The following SLC4A4 variants were observed in gnomAD, a reference collection of about 807,000 sequenced individuals.
The protein encoded by SLC4A4 is electrogenic sodium bicarbonate cotransporter 1.
In SLC4A4, 27 loss-of-function variants were observed where a neutral mutation model predicts 111.5. The ratio of observed to expected loss-of-function variants is 0.24; its 90% CI spans 0.18 to 0.33. The LOEUF is 0.33. Among genes scored for constraint, SLC4A4 ranks in the 10% least tolerant of loss-of-function variants. The pLI, the probability that SLC4A4 is intolerant of heterozygous loss-of-function variation, is 1.00. For missense variants in SLC4A4, 909 were observed against 1,315.5 expected (o/e 0.69, Z 4.78); for synonymous variants, 443 against 463.4 (o/e 0.96, Z 0.57).
chr4:71,331,600 A>G (rs1578853101), intron 3 of SLC4A4, among the ~76,000 whole-genome samples: 5 of 124,286 alleles, frequency 4.0e-5, no homozygotes, highest in African/African-American at 5.9e-5. Flanking sequence ...GGGAGGGGGG[A>G]GGGATAGCAT....
intron 16 of SLC4A4, among the ~76,000 whole-genome samples, chr4:71,521,187 T>C (rs1455626532): frequency 6.6e-6 from 1 of 152,188 alleles, no homozygotes; most frequent in African/African-American, 2.4e-5. Context: ...GCTAATAACA[T>C]CACCTATCCT....
intron 1 of SLC4A4, among the ~76,000 whole-genome samples, chr4:71,215,186 T>C (rs894415923): frequency 1.3e-5 from 2 of 152,216 alleles, no homozygotes; most frequent in African/African-American, 2.4e-5. Flanking sequence ...TGTCCTCTCC[T>C]CAATCTTGTT....
intron 20 of SLC4A4, among the ~76,000 whole-genome samples, chr4:71,548,133 G>C (rs569506023): frequency 1.3e-5 from 2 of 151,416 alleles, no homozygotes; most frequent in South Asian, 2.1e-4. Context: ...CCCTCATTAG[G>C]CTCCTAAATA....
intron 2 of SLC4A4, among the ~76,000 whole-genome samples, chr4:71,153,399 C>T (rs576939262): frequency 8.9e-4 from 135 of 152,192 alleles, no homozygotes; most frequent in South Asian, 2.7e-3. Context: ...ATCAAGTTGA[C>T]GCTCAGTATT....
chr4:71,255,113 T>C (rs1721347879), intron 2 of SLC4A4, 107 bp from the exon 3 acceptor site: 1 of 1,077,358 alleles, frequency 9.3e-7, no homozygotes, highest in Non-Finnish European at 1.4e-6. Flanking sequence ...TATAGAATGG[T>C]AACGTTGAAT....
intron 2 of SLC4A4, among the ~76,000 whole-genome samples, chr4:71,145,312 G>A (rs1744131600): frequency 6.6e-6 from 1 of 152,152 alleles, no homozygotes; most frequent in African/African-American, 2.4e-5. Context: ...TGATCATGGT[G>A]GATAAGCTTT....
intron 3 of SLC4A4, among the ~76,000 whole-genome samples, chr4:71,299,489 A>G (rs898654684): frequency 6.6e-6 from 1 of 152,184 alleles, no homozygotes; most frequent in Non-Finnish European, 1.5e-5. Context: ...AATAAGAAGC[A>G]TGGTACCTCC....
At chr4:71,510,174 C>T (rs1010558765) in intron 16 of SLC4A4, among the ~76,000 whole-genome samples, 4 of 152,068 alleles carry the variant, frequency 2.6e-5, no homozygotes, top group Admixed American at 6.6e-5. Flanking sequence ...TGGGGGCCTC[C>T]AGTTTGTCTT....
Position 71,569,510 on chromosome 4 carries a change from T to C in SLC4A4, c.*1759T>C, listed in dbSNP as rs183919617. 6.6e-6 allele frequency: 1 copy of C among 151,794 alleles called. No individual in the cohort carries two copies. The highest frequency in any genetic ancestry group is 2.4e-5 in the African/African-American group (1 of 41,482). 9.4% of individuals were successfully genotyped at this position (151,794 alleles called of 1,614,324 possible). On this transcript the variant is annotated 3_prime_UTR_variant, in exon 26 of 26. Coordinates refer to ENST00000264485, the MANE Select transcript of SLC4A4 (RefSeq NM_001098484.3). The stretch of plus-strand genomic sequence containing the variant: ...AGACATTTATTAACCAAATTTAACG[T>C]GGTATTTAAAGGTAATATTTTTAAT...
intron 16 of SLC4A4, among the ~76,000 whole-genome samples, chr4:71,525,733 T>G (rs1157571117): frequency 6.6e-6 from 1 of 152,108 alleles, no homozygotes; most frequent in Non-Finnish European, 1.5e-5. Context: ...GCACTTCTAC[T>G]TTTAACCATT....
intron 7 of SLC4A4, among the ~76,000 whole-genome samples, chr4:71,416,368 G>T (rs1176874475): frequency 3.3e-5 from 5 of 152,184 alleles, no homozygotes; most frequent in African/African-American, 1.2e-4. Context: ...GTAAGAGATT[G>T]ACAACAATAA....
rs141722413 is a variant in SLC4A4, at chr4:71,299,823, G to A, written c.254-39547G>A. Among the ~76,000 whole-genome samples the A allele has an allele frequency of 5.3e-5, 8 of 152,302 alleles. No individual in the cohort carries two copies. In the East Asian group the frequency reaches 1.4e-3, roughly 26 times the overall value. ...CCTTATGGGAGAGTCATACACCAGG[G>A]CTGGGCTGGAGCAGCCAGCCAGAGG... On this transcript the variant is annotated intron_variant, in intron 3 of 25. Coordinates refer to ENST00000264485, the MANE Select transcript of SLC4A4 (RefSeq NM_001098484.3).
At chr4:71,233,689 T>G (rs548263399) in intron 1 of SLC4A4, among the ~76,000 whole-genome samples, 3 of 152,306 alleles carry the variant, frequency 2.0e-5, no homozygotes, top group African/African-American at 7.2e-5. Context: ...ATTTTTCATG[T>G]GTAATAAGCA....
chr4:71,135,363 T>C (rs2148963606), intron 2 of SLC4A4, among the ~76,000 whole-genome samples: 1 of 146,922 alleles, frequency 6.8e-6, no homozygotes, highest in East Asian at 2.0e-4. Flanking sequence ...TGGCACCACC[T>C]TGGCTCACTG....
intron 7 of SLC4A4, chr4:71,436,973 A>T (rs941961680): frequency 3.6e-5 from 11 of 302,978 alleles, no homozygotes; most frequent in African/African-American, 2.4e-4. Flanking sequence ...GTTTTCTATT[A>T]AAAAAAAAGA....
intron 17 of SLC4A4, among the ~76,000 whole-genome samples, chr4:71,532,630 C>CA (rs1356960602): frequency 6.6e-6 from 1 of 152,064 alleles, no homozygotes; most frequent in Admixed American, 6.6e-5. Flanking sequence ...ATTAGCCTCC[C>CA]AAGTAGCTGG....
At chr4:71,299,723 C>T (rs920123603) in intron 3 of SLC4A4, among the ~76,000 whole-genome samples, 2 of 152,052 alleles carry the variant, frequency 1.3e-5, no homozygotes, top group African/African-American at 4.8e-5. Flanking sequence ...GGGAGATTGT[C>T]AGAGTGGCTG....
At chr4:71,368,163 C>A (rs1731497634) in intron 6 of SLC4A4, among the ~76,000 whole-genome samples, 1 of 152,114 alleles carries the variant, frequency 6.6e-6, no homozygotes, top group South Asian at 2.1e-4. Flanking sequence ...ATAGGAATAG[C>A]AAAATAAATG....
chr4:71,180,446 C>T lies in SLC4A4; in HGVS notation c.-1-56130C>T, dbSNP rs146222286. Among the ~76,000 whole-genome samples the T allele has an allele frequency of 1.9e-3, 296 of 152,138 alleles. 13 individuals are homozygous for T. In the East Asian group the frequency reaches 0.053, roughly 27 times the overall value. ...AGAATGGGAGAAAATTTTTGCAACC[C>T]ACTCATCTGACAAAGGGCTAATATC... On this transcript the variant is annotated intron_variant, in intron 2 of 26. Transcript: ENST00000649996.
Sources: allele counts gnomAD v4.1 joint callset (sites outside exome capture counted in the v4.1 genomes callset), GRCh38; gene constraint gnomAD v4.1.1; transcripts MANE v1.5; gene names NCBI Gene and HGNC (gene_info 2026-07-23, HGNC 2026-07-21).